The following DLC1 variants were observed in gnomAD, a reference collection of about 807,000 sequenced individuals.
DLC1 encodes DLC1 Rho GTPase activating protein, also known as rho GTPase-activating protein 7.
A neutral mutation model predicts 140.3 loss-of-function variants in DLC1; 54 were observed. The ratio of observed to expected loss-of-function variants is 0.38; its 90% confidence interval spans 0.31 to 0.48. The LOEUF (loss-of-function observed/expected upper bound fraction) is 0.48. DLC1 is among the 20% of genes least tolerant of loss of function. DLC1 has a pLI of 0.96. For missense variants in DLC1, 2,536 were observed against 1,907.0 expected (o/e 1.33, Z -6.14); for synonymous variants, 986 against 728.1 (o/e 1.35, Z -5.70).
rs1563399715 is a variant in DLC1 at position 13,499,087 on chromosome 8, C to T, written c.985G>A (p.Glu329Lys). 1 of 1,613,708 alleles carries T rather than the reference C, an allele frequency of 6.2e-7. No individual in the cohort carries two copies. Among genetic ancestry groups the T allele is most frequent in the African/African-American group, 1.3e-5 (1 of 75,010 alleles). Residue 329 changes from glutamate to lysine, a missense_variant, in exon 2 of 18, where the codon GAA becomes AAA. Physicochemically the swap from Glu to Lys is moderately conservative, Grantham distance 56. Coordinates refer to ENST00000276297, the MANE Select transcript of DLC1 (RefSeq NM_182643.3). ...AGTCTGACTTGGTTATCTGTGGGTT[C>T]CTGGGTGGCCAGGGTCTCCTTTAAT... Reference protein sequence around the residue: ...LQLKETLATQEPTDNQVRLRK... With the variant: ...LQLKETLATQKPTDNQVRLRK...
intron 5 of DLC1, among the ~76,000 whole-genome samples, chr8:13,277,884 T>C (rs566491609): frequency 4.9e-4 from 75 of 152,266 alleles, no homozygotes; most frequent in African/African-American, 1.7e-3. Flanking sequence ...ACACACAAAG[T>C]CATTTTCAAC....
chr8:13,122,754 T>C (rs1286196506), intron 5 of DLC1, among the ~76,000 whole-genome samples: 2 of 149,060 alleles, frequency 1.3e-5, no homozygotes, highest in African/African-American at 2.5e-5. Flanking sequence ...ACAGCATTCC[T>C]GCCCTCAGGT....
At chr8:13,165,717 C>T (rs550311685) in intron 5 of DLC1, among the ~76,000 whole-genome samples, 1 of 152,330 alleles carries the variant, frequency 6.6e-6, no homozygotes, top group South Asian at 2.1e-4. Context: ...TCTACACCTT[C>T]CTGTATTCCC....
At chr8:13,336,020 A>G (rs1398268718) in intron 4 of DLC1, among the ~76,000 whole-genome samples, 1 of 152,108 alleles carries the variant, frequency 6.6e-6, no homozygotes, top group Non-Finnish European at 1.5e-5. Context: ...ATTGTACTGG[A>G]ATTTTAACTG....
chr8:13,094,529 G>A (rs1277850364), intron 12 of DLC1, among the ~76,000 whole-genome samples: 2 of 152,110 alleles, frequency 1.3e-5, no homozygotes, highest in African/African-American at 4.8e-5. Flanking sequence ...AGCCAGACGT[G>A]GTGGCGCCCT....
chr8:13,133,206 T>C lies in DLC1; in HGVS notation c.1349-17549A>G, dbSNP rs1201902196. Reference sequence around the variant, plus strand: ...CTCAGGGAGTTGGGCGAGAAGTCCGTGAGCCGGCGCTCCTGATGCGGAGAG... The same window carrying C: ...CTCAGGGAGTTGGGCGAGAAGTCCGCGAGCCGGCGCTCCTGATGCGGAGAG... On this transcript the variant is annotated intron_variant, in intron 5 of 17. Coordinates refer to ENST00000276297, the MANE Select transcript of DLC1 (RefSeq NM_182643.3). 7 of 1,421,760 alleles carry C rather than the reference T, an allele frequency of 4.9e-6. No homozygotes were observed. In the East Asian group the frequency reaches 1.6e-4, roughly 32 times the overall value. The allele number at this position is 1,421,760 out of a possible 1,614,324, so 88.1% of individuals were successfully genotyped here.
intron 4 of DLC1, among the ~76,000 whole-genome samples, chr8:13,391,499 T>C (rs994349027): frequency 6.6e-6 from 1 of 152,180 alleles, no homozygotes; most frequent in Admixed American, 6.5e-5. Flanking sequence ...GGGTGGTCAA[T>C]TGATGGCAAA....
chr8:13,179,762 A>G (rs1451687575), intron 5 of DLC1, among the ~76,000 whole-genome samples: 2 of 152,064 alleles, frequency 1.3e-5, no homozygotes, highest in South Asian at 2.1e-4. Context: ...CAGGAAGCTA[A>G]TTACCAGAGG....
At chr8:13,132,933 G>C (rs936816427) in intron 5 of DLC1, 3 of 1,603,794 alleles carry the variant, frequency 1.9e-6, no homozygotes, top group East Asian at 2.2e-5. Flanking sequence ...CAAGACGCAA[G>C]TCTAGCTTAC....
intron 4 of DLC1, chr8:13,342,515 C>A (rs1456256885): frequency 6.6e-6 from 1 of 152,150 alleles, no homozygotes; most frequent in Non-Finnish European, 1.5e-5. Context: ...CTTTGTAATG[C>A]AGGTGAAACT....
chr8:13,381,533 C>A (rs192973560), intron 4 of DLC1, among the ~76,000 whole-genome samples: 1 of 152,264 alleles, frequency 6.6e-6, no homozygotes, highest in East Asian at 1.9e-4. Context: ...TCATAAAAGG[C>A]GTGGCAGTCT....
chr8:13,599,563 A>T (rs1805802211), intron 1 of DLC1, among the ~76,000 whole-genome samples: 1 of 152,004 alleles, frequency 6.6e-6, no homozygotes, highest in African/African-American at 2.4e-5. Context: ...CAAAGAACAA[A>T]CCAAGAACCT....
chr8:13,550,851 A>G (rs1359073038), intron 1 of DLC1, among the ~76,000 whole-genome samples: 1 of 152,108 alleles, frequency 6.6e-6, no homozygotes, highest in Non-Finnish European at 1.5e-5. Context: ...CTTCCTTAGA[A>G]CAGTAGCCCT....
intron 4 of DLC1, among the ~76,000 whole-genome samples, chr8:13,381,626 T>A: frequency 6.6e-6 from 1 of 152,134 alleles, no homozygotes; most frequent in East Asian, 1.9e-4. Context: ...CACAGAGAGA[T>A]CCAGATGGAG....
chr8:13,555,226 A>G (rs73212114), intron 1 of DLC1, among the ~76,000 whole-genome samples: 3 of 152,274 alleles, frequency 2.0e-5, no homozygotes, highest in Non-Finnish European at 4.4e-5. Context: ...TTATTTTTCT[A>G]CATATCACAT....
At chr8:13,597,000 AGGAGAGATT>A in intron 1 of DLC1, among the ~76,000 whole-genome samples, 1 of 151,850 alleles carries the variant, frequency 6.6e-6, no homozygotes, top group East Asian at 1.9e-4. Flanking sequence ...GTTTGTTTGA[AGGAGAGATT>A]GGCACTCTGA....
At chr8:13,401,280 C>A (rs985283119) in intron 3 of DLC1, among the ~76,000 whole-genome samples, 190 bp downstream of exon 3, 1 of 152,108 alleles carries the variant, frequency 6.6e-6, no homozygotes, top group Non-Finnish European at 1.5e-5. Context: ...TCTCTGTGGC[C>A]TCTCTGCATA....
intron 4 of DLC1, among the ~76,000 whole-genome samples, chr8:13,328,293 C>T (rs1453729376): frequency 6.6e-6 from 1 of 152,200 alleles, no homozygotes; most frequent in Non-Finnish European, 1.5e-5. Flanking sequence ...CAAGAAAGAA[C>T]TGACTGCTGA....
At chr8:13,599,765 C>G (rs752637226) in intron 1 of DLC1, among the ~76,000 whole-genome samples, 2 of 151,774 alleles carry the variant, frequency 1.3e-5, no homozygotes, top group African/African-American at 2.4e-5. Context: ...GTGGAATGGA[C>G]AAGTTGATTC....
Sources: allele counts gnomAD v4.1 joint callset (sites outside exome capture counted in the v4.1 genomes callset), GRCh38; gene constraint gnomAD v4.1.1; transcripts MANE v1.5; gene names NCBI Gene and HGNC (gene_info 2026-07-23, HGNC 2026-07-21).